Variants in PRPSAP2 observed in about 807,000 individuals in gnomAD.
The protein encoded by PRPSAP2 is phosphoribosyl pyrophosphate synthetase associated protein 2, also known as phosphoribosyl pyrophosphate synthase-associated protein 2.
In PRPSAP2, 24 loss-of-function variants were observed where a neutral mutation model predicts 40.6. The ratio of observed to expected loss-of-function variants is 0.59; its 90% CI spans 0.43 to 0.83. PRPSAP2 has a LOEUF of 0.83. PRPSAP2 is among the 40% of genes least tolerant of loss of function. The pLI is 0.00. For missense variants in PRPSAP2, 292 were observed against 465.6 expected, an observed-to-expected ratio of 0.63 and a Z score of 3.43; for synonymous variants, 149 against 164.7, an observed-to-expected ratio of 0.90 and a Z score of 0.73.
At chr17:18,906,192 G>C (rs1370834161) in intron 8 of PRPSAP2, among the ~76,000 whole-genome samples, 1 of 151,882 alleles carries the variant, frequency 6.6e-6, no homozygotes, top group Non-Finnish European at 1.5e-5. Context: ...GTTTACTTAC[G>C]TGTGTCTGAG....
At chr17:18,913,024 AG>A (rs1379121710) in intron 9 of PRPSAP2, among the ~76,000 whole-genome samples, 2 of 152,232 alleles carry the variant, frequency 1.3e-5, no homozygotes, top group African/African-American at 4.8e-5. Context: ...TGCTGGGAGC[AG>A]CCCATGCAGC....
chr17:18,908,232 T>G (rs963134292), intron 8 of PRPSAP2: 2 of 727,294 alleles, frequency 2.7e-6, no homozygotes, highest in Non-Finnish European at 5.1e-6. Flanking sequence ...CGGGAGGCCT[T>G]GAAGCCAGTG....
chr17:18,922,668 AT>A (rs57263191), intron 9 of PRPSAP2, among the ~76,000 whole-genome samples: 2,434 of 89,710 alleles, frequency 0.027, 12 homozygotes, highest in East Asian at 0.046. Flanking sequence ...TATATATATA[AT>A]TTTTTTTTTT....
At chr17:18,889,980 ATC>A (rs2039435981) in intron 8 of PRPSAP2, 103 bp downstream of exon 8, 5 of 992,274 alleles carry the variant, frequency 5.0e-6, no homozygotes, top group Non-Finnish European at 7.4e-6. Context: ...TCCCAGCGAT[ATC>A]TCTTATTTTT....
chr17:18,866,049 A>G, intron 3 of PRPSAP2, 97 bp downstream of exon 3: 1 of 818,386 alleles, frequency 1.2e-6, no homozygotes, highest in Middle Eastern at 4.5e-4. Context: ...GAAAGCAGAT[A>G]TTTTATAATT....
chr17:18,908,156 C>G, intron 8 of PRPSAP2: 1 of 571,740 alleles, frequency 1.7e-6, no homozygotes, highest in South Asian at 2.0e-5. Flanking sequence ...AAGACTCCAT[C>G]TCAACAACAA....
chr17:18,871,504 G>C (rs1597545481), intron 4 of PRPSAP2, among the ~76,000 whole-genome samples: 1 of 152,166 alleles, frequency 6.6e-6, no homozygotes, highest in Admixed American at 6.6e-5. Flanking sequence ...TTATGGATTT[G>C]TCTAATTGTT....
intron 10 of PRPSAP2, chr17:18,928,288 CATT>C (rs1346212304): frequency 6.0e-6 from 1 of 165,866 alleles, no homozygotes; most frequent in East Asian, 1.6e-4. Context: ...AAACAATAAT[CATT>C]ATTATTTTTT....
At chr17:18,894,408 C>G (rs1027845833) in intron 8 of PRPSAP2, among the ~76,000 whole-genome samples, 1 of 151,840 alleles carries the variant, frequency 6.6e-6, no homozygotes, top group African/African-American at 2.4e-5. Flanking sequence ...ATCTGCCTGC[C>G]TCGGCATCCC....
chr17:18,878,749 G>A (rs1264743603), intron 6 of PRPSAP2, among the ~76,000 whole-genome samples: 3 of 152,148 alleles, frequency 2.0e-5, no homozygotes. Context: ...TAGAGACAGG[G>A]TTTCTCCATG....
chr17:18,874,813 C>T (rs750002913), intron 5 of PRPSAP2, among the ~76,000 whole-genome samples: 6 of 152,316 alleles, frequency 3.9e-5, no homozygotes, highest in South Asian at 2.1e-4. Flanking sequence ...CCTCCAGCAT[C>T]GGGGTAGGGA....
chr17:18,857,380 A>G (rs1474819535), upstream of PRPSAP2, among the ~76,000 whole-genome samples: 1 of 150,714 alleles, frequency 6.6e-6, no homozygotes, highest in Non-Finnish European at 1.5e-5. Flanking sequence ...CATTTATTAT[A>G]CACCCAGAAC....
chr17:18,904,452 A>C (rs1431380056), intron 8 of PRPSAP2: 1 of 152,136 alleles, frequency 6.6e-6, no homozygotes, highest in Non-Finnish European at 1.5e-5. Context: ...ATGGGGTTTC[A>C]CCATGCTGGT....
intron 1 of PRPSAP2, among the ~76,000 whole-genome samples, chr17:18,862,587 A>G (rs2037108468): frequency 1.3e-5 from 2 of 152,124 alleles, no homozygotes; most frequent in Admixed American, 1.3e-4. Context: ...TTTTACAGTC[A>G]CCTGTGGGGT....
rs575879505 is a variant in PRPSAP2, at chr17:18,887,991, C to T, written c.529-1831C>T. On this transcript the variant is annotated intron_variant, in intron 7 of 11. Transcript: ENST00000268835. ...TGGTTTTCCTAGGCAGAGGACCCTG[C>T]GGCCTTCCGCAGTGTTTGTGTCCCT... Among the ~76,000 whole-genome samples, 3 of 53,480 alleles carry T rather than the reference C, an allele frequency of 5.6e-5. 1 individual carries two copies. Among genetic ancestry groups the T allele is most frequent in the South Asian group, 4.6e-4 (1 of 2,154 alleles). 35.1% of individuals were successfully genotyped at this position (53,480 alleles called of 152,430 possible).
In PRPSAP2 at chr17:18,930,680, C is replaced by T. The variant is rs371888589; in HGVS notation, c.1092C>T (p.Asn364=). The change falls in exon 12 of 12, where the codon AAC becomes AAT. Residue 364 remains asparagine, a synonymous_variant. Transcript: ENST00000268835. ...AGTCCATGTCCTACCTTTTCAGAAA[C>T]ATAGGCTTAGATGACTGAGTTTTCC... The part of the protein sequence containing the change: ...NGESMSYLFR[N]IGLDD 81 of 1,612,930 alleles carry T rather than the reference C, an allele frequency of 5.0e-5. No homozygotes were observed. The highest frequency in any genetic ancestry group is 6.4e-5 in the Non-Finnish European group (76 of 1,179,392).
chr17:18,925,922 G>A (rs2041943716), intron 10 of PRPSAP2, among the ~76,000 whole-genome samples: 1 of 152,056 alleles, frequency 6.6e-6, no homozygotes, highest in Admixed American at 6.6e-5. Context: ...TGGCTAACAC[G>A]GTGAAACCTT....
Position 18,890,564 on chromosome 17 carries a change from A to C in PRPSAP2, c.584+687A>C, listed in dbSNP as rs147168152. 5.4e-3 allele frequency among the ~76,000 whole-genome samples: 824 copies of C among 151,928 alleles called. 13 individuals are homozygous for C. The highest frequency in any genetic ancestry group is 0.019 in the African/African-American group (800 of 41,464). On this transcript the variant is annotated intron_variant, in intron 8 of 11. Coordinates refer to ENST00000268835, the MANE Select transcript of PRPSAP2 (RefSeq NM_002767.4). The stretch of plus-strand genomic sequence containing the variant: ...CTCAAACGATCCACCCACCCGCCTT[A>C]CCCTCCCAAAGTGCTGGGATTACAG...
chr17:18,927,820 C>G (rs1207577703), intron 10 of PRPSAP2, among the ~76,000 whole-genome samples: 1 of 152,072 alleles, frequency 6.6e-6, no homozygotes, highest in Non-Finnish European at 1.5e-5. Flanking sequence ...GGGTCTGCTG[C>G]CCAGGTTGGA....
Sources: gnomAD v4.1 joint callset for allele counts (sites outside exome capture counted in the v4.1 genomes callset) on GRCh38, gnomAD v4.1.1 for gene constraint, MANE v1.5 for transcripts, NCBI Gene and HGNC (gene_info 2026-07-23, HGNC 2026-07-21) for gene names.